Variants in LIMK2 observed in about 807,000 individuals in gnomAD.
LIMK2 encodes the protein LIM domain kinase 2.
In LIMK2, 35 loss-of-function variants were observed where a neutral mutation model predicts 75.7. The observed-to-expected ratio is 0.46, with a 90% confidence interval of 0.35 to 0.61. The LOEUF is 0.61. Ranked by LOEUF, LIMK2 falls within the 20% of genes least tolerant of loss-of-function variation. The pLI is 0.00. For synonymous variants in LIMK2, 301 were observed against 319.2 expected (o/e 0.94, Z 0.61); for missense variants, 623 against 831.0 (o/e 0.75, Z 3.08).
Position 31,259,909 on chromosome 22 carries a change from T to C in LIMK2, c.383T>C (p.Val128Ala), listed in dbSNP as rs767971147. The change falls in exon 5 of 16, where the codon GTG (valine) becomes GCG (alanine). Residue 128 changes from valine to alanine, a missense_variant. Val to Ala is a moderately conservative substitution (Grantham distance 64, BLOSUM62 0). This residue lies in a region of LIMK2 where 514 missense variants were observed against 661.3 expected (regional missense o/e 0.78). Transcript: ENST00000331728. ...TLYCGKCHNE[V>A]VLAPMFERLS... Reference sequence around the variant, plus strand: ...CCCAGTGGGAAGTGCCACAATGAGGTGGTGCTGGCACCCATGTTTGAGAGA... The same window carrying C: ...CCCAGTGGGAAGTGCCACAATGAGGCGGTGCTGGCACCCATGTTTGAGAGA... The C allele has an allele frequency of 6.8e-6, 11 of 1,608,254 alleles. No individual in the cohort carries two copies. The highest frequency in any genetic ancestry group is 8.5e-6 in the Non-Finnish European group (10 of 1,178,426).
intron 11 of LIMK2, among the ~76,000 whole-genome samples, chr22:31,268,859 G>A (rs1034101565): frequency 1.3e-5 from 2 of 152,222 alleles, no homozygotes; most frequent in Non-Finnish European, 2.9e-5. Context: ...GGGCTAATCA[G>A]TCTGGTCGCC....
chr22:31,213,161 CTA>C (rs1386878401), intron 1 of LIMK2, among the ~76,000 whole-genome samples: 1 of 152,112 alleles, frequency 6.6e-6, no homozygotes, highest in Non-Finnish European at 1.5e-5. Context: ...AGACTAAAGA[CTA>C]GAGGGATTCG....
intron 2 of LIMK2, among the ~76,000 whole-genome samples, chr22:31,236,417 T>C (rs2048575155): frequency 6.7e-6 from 1 of 149,920 alleles, no homozygotes; most frequent in African/African-American, 2.5e-5. Flanking sequence ...AAGATCAGTC[T>C]GGGTAACAGA....
In LIMK2 at chr22:31,225,830, C is replaced by T; in HGVS notation, c.116+11C>T. On this transcript the variant is annotated intron_variant, in intron 2 of 15. Coordinates refer to ENST00000331728, the MANE Select transcript of LIMK2 (RefSeq NM_005569.4). ...CGGCTCTTGCTTCCGGTAGGTGGGC[C>T]TATCCTCCCATCTTTACCAGTGTAC... The T allele has an allele frequency of 6.3e-7, 1 of 1,596,380 alleles. No homozygotes were observed. Among genetic ancestry groups the T allele is most frequent in the Non-Finnish European group, 8.6e-7 (1 of 1,164,586 alleles).
At chr22:31,253,382 G>A (rs187467073) in intron 2 of LIMK2, among the ~76,000 whole-genome samples, 1 of 152,358 alleles carries the variant, frequency 6.6e-6, no homozygotes, top group East Asian at 1.9e-4. Context: ...GGACATGTTC[G>A]AGTAGCACCT....
intron 3 of LIMK2, 104 bp downstream of exon 3, chr22:31,258,530 G>A: frequency 8.6e-7 from 1 of 1,168,464 alleles, no homozygotes; most frequent in Non-Finnish European, 1.2e-6. Context: ...CCATCAGCCA[G>A]GGCATCTCCC....
intron 7 of LIMK2, among the ~76,000 whole-genome samples, chr22:31,265,255 A>C (rs1261470495): frequency 2.7e-5 from 4 of 150,442 alleles, no homozygotes; most frequent in Non-Finnish European, 5.9e-5. Context: ...ACTCCCAGCT[A>C]CTTGGGAGGC....
At chr22:31,266,813 G>A (rs906786632) in intron 8 of LIMK2, among the ~76,000 whole-genome samples, 171 bp from the exon 9 acceptor site, 12 of 152,182 alleles carry the variant, frequency 7.9e-5, no homozygotes, top group East Asian at 7.7e-4. Context: ...GTTTGCTTCC[G>A]TGTGAGTCCC....
intron 1 of LIMK2, among the ~76,000 whole-genome samples, chr22:31,219,000 C>G (rs1156353290): frequency 6.6e-6 from 1 of 152,226 alleles, no homozygotes; most frequent in African/African-American, 2.4e-5. Context: ...AGAAACCAAG[C>G]TCTTAGACCA....
intron 2 of LIMK2, among the ~76,000 whole-genome samples, chr22:31,234,451 G>A (rs372598359): frequency 2.0e-5 from 3 of 151,564 alleles, no homozygotes; most frequent in South Asian, 2.1e-4. Context: ...GGCCAGGCGC[G>A]GTGGCTCACA....
intron 1 of LIMK2, among the ~76,000 whole-genome samples, chr22:31,219,957 A>T (rs2048420533): frequency 1.3e-5 from 2 of 152,258 alleles, no homozygotes; most frequent in South Asian, 4.1e-4. Flanking sequence ...GAGAATGAAC[A>T]GCCTGGTACA....
rs1259086465 is a variant in LIMK2, at chr22:31,277,372, G to A, written c.1773-925G>A. On this transcript the variant is annotated intron_variant, in intron 15 of 15. Transcript: ENST00000331728. Reference sequence around the variant, plus strand: ...TGTTTTTATATTGACTCTGCGGCACGGGCCCTTTAATAAAGCGAGGTAGGG... The same window carrying A: ...TGTTTTTATATTGACTCTGCGGCACAGGCCCTTTAATAAAGCGAGGTAGGG... 9.6e-6 allele frequency: 13 copies of A among 1,351,658 alleles called. No homozygotes were observed. The East Asian group carries it at 1.2e-4, about 13-fold the overall frequency. The allele number at this position is 1,351,658 out of a possible 1,614,324, so 83.7% of individuals were successfully genotyped here.
chr22:31,268,053 G>A (rs1366495563), intron 10 of LIMK2, 91 bp from the exon 11 acceptor site: 38 of 1,516,250 alleles, frequency 2.5e-5, no homozygotes, highest in Non-Finnish European at 3.2e-5. Context: ...ACACAGGGAG[G>A]CTTCACTGGG....
At chr22:31,237,554 C>CAA (rs1040206766) in intron 2 of LIMK2, among the ~76,000 whole-genome samples, 4 of 103,988 alleles carry the variant, frequency 3.8e-5, no homozygotes, top group Non-Finnish European at 8.2e-5. Context: ...GATTCCGTCT[C>CAA]AAAAAAAAAA....
intron 2 of LIMK2, chr22:31,248,261 C>T: frequency 1.0e-6 from 1 of 1,003,388 alleles, no homozygotes; most frequent in Non-Finnish European, 1.3e-6. Context: ...AGGTCTGTTT[C>T]CTAACAGCTG....
At chr22:31,264,885 C>T (rs2048876387) in intron 7 of LIMK2, among the ~76,000 whole-genome samples, 2 of 149,962 alleles carry the variant, frequency 1.3e-5, no homozygotes, top group East Asian at 4.0e-4. Context: ...GGTGAAACCC[C>T]ATCTCTACTA....
rs17220327 is a variant in LIMK2, at chr22:31,219,547, C to T, written c.17-6173C>T. 3.2e-3 allele frequency among the ~76,000 whole-genome samples: 485 copies of T among 152,128 alleles called. 11 individuals carry two copies. In the East Asian group the frequency reaches 0.076, roughly 24 times the overall value. ...TGTGAACATTTACTTAAATCAAGCTCCTTTTCTGGACTCTTCTTTTTTTTA... is the reference window on the plus strand; with the variant it reads ...TGTGAACATTTACTTAAATCAAGCTTCTTTTCTGGACTCTTCTTTTTTTTA... On this transcript the variant is annotated intron_variant, in intron 1 of 15. Coordinates refer to ENST00000331728, the MANE Select transcript of LIMK2 (RefSeq NM_005569.4).
At chr22:31,277,277 G>T (rs1054529737) in intron 15 of LIMK2, 3 of 1,497,010 alleles carry the variant, frequency 2.0e-6, no homozygotes, top group Non-Finnish European at 2.7e-6. Context: ...TGGCCCAGGG[G>T]TCTCTTCCCC....
At chr22:31,260,966 CTGG>C (rs2048832316) in intron 5 of LIMK2, among the ~76,000 whole-genome samples, 1 of 152,150 alleles carries the variant, frequency 6.6e-6, no homozygotes, top group Non-Finnish European at 1.5e-5. Flanking sequence ...AGAAGGATCA[CTGG>C]TATGGAGGTT....
Sources: allele counts gnomAD v4.1 joint callset (sites outside exome capture counted in the v4.1 genomes callset), GRCh38; gene constraint gnomAD v4.1.1; regional missense constraint gnomAD v4.1.1; transcripts MANE v1.5; gene names NCBI Gene and HGNC (gene_info 2026-07-23, HGNC 2026-07-21).